The following FHIT variants were observed in gnomAD, a reference collection of about 807,000 sequenced individuals.
FHIT encodes fragile histidine triad diadenosine triphosphatase.
FHIT carries 19 observed loss-of-function variants against 17.9 expected under a neutral mutation model. The ratio of observed to expected loss-of-function variants is 1.06; its 90% CI spans 0.74 to 1.56. FHIT has a LOEUF of 1.56. FHIT is among the 40% of genes most tolerant of loss of function. The pLI, the probability that FHIT is intolerant of heterozygous loss-of-function variation, is 0.00. For synonymous variants in FHIT, 81 were observed against 69.7 expected, an observed-to-expected ratio of 1.16 and a Z score of -0.81; for missense variants, 248 against 189.2, an observed-to-expected ratio of 1.31 and a Z score of -1.82.
intron 5 of FHIT, among the ~76,000 whole-genome samples, chr3:60,277,217 G>A (rs1381054789): frequency 1.3e-5 from 2 of 152,086 alleles, no homozygotes; most frequent in Non-Finnish European, 2.9e-5. Flanking sequence ...AATGTTTTGT[G>A]AGGGACATAT....
chr3:59,790,658 G>A (rs756155337), intron 8 of FHIT, among the ~76,000 whole-genome samples: 1 of 152,096 alleles, frequency 6.6e-6, no homozygotes, highest in Non-Finnish European at 1.5e-5. Context: ...TCAGTGTGCT[G>A]TAACCCTACT....
intron 8 of FHIT, among the ~76,000 whole-genome samples, chr3:59,841,700 T>G (rs953154484): frequency 6.6e-6 from 1 of 152,062 alleles, no homozygotes; most frequent in African/African-American, 2.4e-5. Context: ...GACACACGGG[T>G]GTACTGATGC....
At chr3:61,215,492 A>C (rs2039644164) in intron 1 of FHIT, among the ~76,000 whole-genome samples, 1 of 152,210 alleles carries the variant, frequency 6.6e-6, no homozygotes, top group African/African-American at 2.4e-5. Context: ...ATGAAATAAA[A>C]GACGATACAA....
chr3:61,048,441 T>C (rs1391047631), intron 2 of FHIT, among the ~76,000 whole-genome samples: 2 of 151,974 alleles, frequency 1.3e-5, no homozygotes, highest in Admixed American at 6.6e-5. Context: ...CCATCTCACA[T>C]CAGTTAGAAT....
chr3:60,591,692 G>A (rs781987790), intron 4 of FHIT, among the ~76,000 whole-genome samples: 1 of 152,088 alleles, frequency 6.6e-6, no homozygotes, highest in Non-Finnish European at 1.5e-5. Context: ...AAATGGCAGA[G>A]AGGAAAATGA....
At chr3:60,915,153 A>G (rs1706938276) in intron 3 of FHIT, among the ~76,000 whole-genome samples, 1 of 152,104 alleles carries the variant, frequency 6.6e-6, no homozygotes, top group African/African-American at 2.4e-5. Context: ...TTTTTCTTCC[A>G]TGTCTTTTTT....
chr3:60,117,027 T>C (rs1704995640), intron 5 of FHIT, among the ~76,000 whole-genome samples: 1 of 152,054 alleles, frequency 6.6e-6, no homozygotes, highest in Non-Finnish European at 1.5e-5. Flanking sequence ...GGAGATCCAC[T>C]CTGTCCCAAT....
chr3:60,580,184 T>G (rs1319667699), intron 4 of FHIT, among the ~76,000 whole-genome samples: 1 of 152,068 alleles, frequency 6.6e-6, no homozygotes, highest in Non-Finnish European at 1.5e-5. Context: ...AAGAGGCAAA[T>G]ACAGTGTATA....
intron 2 of FHIT, among the ~76,000 whole-genome samples, chr3:61,105,073 CA>C (rs1288878441): frequency 6.6e-6 from 1 of 152,084 alleles, no homozygotes; most frequent in Non-Finnish European, 1.5e-5. Flanking sequence ...TCTGTTATTT[CA>C]GCCATCTCAA....
chr3:60,457,070 G>GA lies in FHIT; in HGVS notation c.103+79789dup, dbSNP rs1361887919. Among the ~76,000 whole-genome samples, 10 of 152,192 alleles carry GA rather than the reference G, an allele frequency of 6.6e-5. No individual in the cohort carries two copies. In the East Asian group the frequency reaches 1.7e-3, roughly 26 times the overall value. On this transcript the variant is annotated intron_variant, in intron 5 of 9. Coordinates refer to ENST00000492590, the MANE Select transcript of FHIT (RefSeq NM_002012.4). ...ACTAAGGACTTTCTTCACAGAATTG[G>GA]AAAAAACTACTTTAAAGTTCATATG...
At chr3:60,413,589 T>C (rs12489848) in intron 5 of FHIT, among the ~76,000 whole-genome samples, 22,002 of 152,142 alleles carry the variant, frequency 0.14, 2,153 homozygotes, top group Admixed American at 0.26. Context: ...GAAATGTCTA[T>C]AGTGGTAAAG....
chr3:59,858,211 T>G (rs1270219111), intron 8 of FHIT, among the ~76,000 whole-genome samples: 1 of 151,116 alleles, frequency 6.6e-6, no homozygotes, highest in Non-Finnish European at 1.5e-5. Flanking sequence ...ACATAAATGG[T>G]GATCTTCCTT....
intron 2 of FHIT, among the ~76,000 whole-genome samples, chr3:61,093,404 G>T (rs1190957103): frequency 2.0e-5 from 3 of 152,128 alleles, no homozygotes; most frequent in Non-Finnish European, 4.4e-5. Context: ...GGCATCCAGT[G>T]GGTAGAGGCC....
intron 5 of FHIT, among the ~76,000 whole-genome samples, chr3:60,287,760 G>T (rs1329965367): frequency 2.0e-5 from 3 of 152,032 alleles, no homozygotes; most frequent in African/African-American, 7.2e-5. Flanking sequence ...AGGATTCAGG[G>T]TTCTCTGATT....
chr3:60,860,435 TATC>T lies in FHIT; in HGVS notation c.-110-38427_-110-38425del, dbSNP rs1224684129. On this transcript the variant is annotated intron_variant, in intron 3 of 9. Transcript: ENST00000492590. ...ATCATATGTATATATGATACATATA[TATC>T]ATGTATATATGATACATATGTACAT... Among the ~76,000 whole-genome samples the T allele has an allele frequency of 6.0e-5, 8 of 134,244 alleles. No individual in the cohort carries two copies. In the East Asian group the frequency reaches 6.9e-4, roughly 12 times the overall value. The allele number at this position is 134,244 out of a possible 152,430, so 88.1% of individuals were successfully genotyped here. A position where few individuals can be genotyped will look rare whatever the true frequency, so the allele number is the denominator to read the frequency against.
chr3:59,983,359 T>A (rs557496207), intron 7 of FHIT, among the ~76,000 whole-genome samples: 1 of 152,168 alleles, frequency 6.6e-6, no homozygotes, highest in African/African-American at 2.4e-5. Flanking sequence ...TTTTACTTTC[T>A]ATGGTTTCAA....
In FHIT at chr3:60,242,294, A is replaced by G. The variant is rs190794360; in HGVS notation, c.104-228142T>C. On this transcript the variant is annotated intron_variant, in intron 5 of 9. Coordinates refer to ENST00000492590, the MANE Select transcript of FHIT (RefSeq NM_002012.4). ...GCTTATTTTCAGAGGAAATTTGTTTAAAATCCTATAATATTTCATGTTGGC... is the reference window on the plus strand; with the variant it reads ...GCTTATTTTCAGAGGAAATTTGTTTGAAATCCTATAATATTTCATGTTGGC... Among the ~76,000 whole-genome samples the G allele has an allele frequency of 3.8e-3, 577 of 152,170 alleles. 2 individuals carry two copies. Among genetic ancestry groups the G allele is most frequent in the African/African-American group, 0.013 (555 of 41,566 alleles).
chr3:60,580,275 A>G (rs1226392487), intron 4 of FHIT, among the ~76,000 whole-genome samples: 2 of 152,110 alleles, frequency 1.3e-5, no homozygotes, highest in Non-Finnish European at 2.9e-5. Context: ...GTTAATGACA[A>G]CTTCACTCCC....
At chr3:59,889,097 A>G (rs1385587995) in intron 8 of FHIT, among the ~76,000 whole-genome samples, 1 of 152,216 alleles carries the variant, frequency 6.6e-6, no homozygotes, top group African/African-American at 2.4e-5. Context: ...TTTCTAACAC[A>G]TAAACTTTGG....
Sources: gnomAD v4.1 joint callset for allele counts (sites outside exome capture counted in the v4.1 genomes callset) on GRCh38, gnomAD v4.1.1 for gene constraint, MANE v1.5 for transcripts, NCBI Gene and HGNC (gene_info 2026-07-23, HGNC 2026-07-21) for gene names.